The following GGPS1 variants were observed in gnomAD, a reference collection of about 807,000 sequenced individuals.
GGPS1 encodes the protein geranylgeranyl pyrophosphate synthase.
A neutral mutation model predicts 28.1 loss-of-function variants in GGPS1; 15 were observed. That is an observed-to-expected ratio of 0.53 (90% CI 0.36 to 0.82). The LOEUF (loss-of-function observed/expected upper bound fraction) is 0.82, where lower values mean the gene tolerates loss of function less well. Ranked by LOEUF, GGPS1 falls within the 40% of genes least tolerant of loss-of-function variation. The probability of loss-of-function intolerance (pLI) is 0.01; values close to 1 mark genes in which losing one functional copy is unlikely to be tolerated. For missense variants in GGPS1, 284 were observed against 348.3 expected (o/e 0.82, Z 1.47); for synonymous variants, 138 against 122.4 (o/e 1.13, Z -0.84).
In GGPS1 at chr1:235,342,773, T is replaced by C. The variant is rs748831293; in HGVS notation, c.*1T>C. ...GATGTTCAAAGAAGAAAATGAATAA[T>C]GTTAAGCCATTCTTGATTGGACCTC... On this transcript the variant is annotated 3_prime_UTR_variant, in exon 4 of 4. Transcript: ENST00000282841. 2 of 1,555,358 alleles carry C rather than the reference T, an allele frequency of 1.3e-6. No homozygotes were observed. The highest frequency in any genetic ancestry group is 2.0e-5 in the Admixed American group (1 of 49,136).
Position 235,341,790 on chromosome 1 carries a change from C to T in GGPS1, c.141+12C>T, listed in dbSNP as rs1392243435. 1.4e-6 allele frequency: 2 copies of T among 1,469,102 alleles called. No individual in the cohort carries two copies. Among genetic ancestry groups the T allele is most frequent in the East Asian group, 2.3e-5 (1 of 44,212 alleles). The allele number at this position is 1,469,102 out of a possible 1,614,324, so 91.0% of individuals were successfully genotyped here. A position where few individuals can be genotyped will look rare whatever the true frequency, so the allele number is the denominator to read the frequency against. On this transcript the variant is annotated intron_variant, in intron 3 of 3. Transcript: ENST00000282841. ...AGGACAAGCTACAGGTATTAGGCAACTCTAACCTCATTAATCCCCAAGAAA... is the reference window on the plus strand; with the variant it reads ...AGGACAAGCTACAGGTATTAGGCAATTCTAACCTCATTAATCCCCAAGAAA...
At chr1:235,337,370 T>C (rs1675903109) in intron 2 of GGPS1, among the ~76,000 whole-genome samples, 1 of 152,240 alleles carries the variant, frequency 6.6e-6, no homozygotes, top group African/African-American at 2.4e-5. Context: ...AATAATGTTT[T>C]AAGACATTAG....
At chr1:235,336,970 G>T in intron 2 of GGPS1, 1 of 168,476 alleles carries the variant, frequency 5.9e-6, no homozygotes, top group South Asian at 1.8e-4. Context: ...AAGAATGAGG[G>T]AATGACAGAA....
At chr1:235,340,735 CAAAAAAAAAAAAAA>C (rs1165162184) in intron 2 of GGPS1, among the ~76,000 whole-genome samples, 1 of 50,994 alleles carries the variant, frequency 2.0e-5, no homozygotes, top group African/African-American at 8.4e-5. Flanking sequence ...GACTCCGTCT[CAAAAAAAAAAAAAA>C]AAAAAAAAAC....
intron 1 of GGPS1, chr1:235,329,396 A>T (rs1675610510): frequency 6.6e-6 from 1 of 152,320 alleles, no homozygotes. Flanking sequence ...GATGCTGAAC[A>T]AAACGATGTG....
chr1:235,341,713 C>A lies in GGPS1; in HGVS notation c.76C>A (p.Gln26Lys). The A allele has an allele frequency of 6.4e-7, 1 of 1,564,570 alleles. No individual in the cohort carries two copies. Among genetic ancestry groups the A allele is most frequent in the Non-Finnish European group, 8.8e-7 (1 of 1,135,350 alleles). ...YKYLLQLPGK[Q>K]VRTKLSQAFN... ...ATTTTATTTTTAAATTGCAGGTAAA[C>A]AAGTGAGAACCAAACTTTCACAGGC... Residue 26 changes from glutamine to lysine, a missense_variant, in exon 3 of 4, where the codon CAA (glutamine) becomes AAA (lysine). Transcript: ENST00000282841.
chr1:235,330,506 T>C (rs1159033503), intron 1 of GGPS1: 3 of 152,154 alleles, frequency 2.0e-5, no homozygotes, highest in Non-Finnish European at 2.9e-5. Context: ...ACAAGGCAAG[T>C]TGGTTGTCGA....
At chr1:235,341,182 T>C (rs903876943) in intron 2 of GGPS1, among the ~76,000 whole-genome samples, 7 of 151,844 alleles carry the variant, frequency 4.6e-5, no homozygotes. Context: ...ATACAAAAAT[T>C]AGCCAGGCAT....
At chr1:235,333,567 C>CAAAAAAAAAAAAAAAAA (rs112155157) in intron 1 of GGPS1, among the ~76,000 whole-genome samples, 1 of 130,300 alleles carries the variant, frequency 7.7e-6, no homozygotes. Context: ...AACTCCGTCT[C>CAAAAAAAAAAAAAAAAA]AAAAAAAAAA....
In GGPS1 at chr1:235,342,306, C is replaced by T; in HGVS notation, c.437C>T (p.Ala146Val). ...TGTCCCACTGAAGAAGAATATAAAG[C>T]TATGGTGCTGCAGAAAACAGGTGGA... is the stretch of plus-strand genomic sequence containing the variant. The part of the protein sequence containing the change: ...YTCPTEEEYK[A>V]MVLQKTGGLF... Residue 146 changes from alanine (A) to valine (V), a missense_variant, in exon 4 of 4, where the codon GCT becomes GTT. Physicochemically the swap from Ala to Val is moderately conservative, Grantham distance 64. Transcript: ENST00000282841. 1 of 1,613,972 alleles carries T rather than the reference C, an allele frequency of 6.2e-7. No individual in the cohort carries two copies. The highest frequency in any genetic ancestry group is 8.5e-7 in the Non-Finnish European group (1 of 1,179,848).
intron 2 of GGPS1, 118 bp downstream of exon 2, chr1:235,335,452 G>A (rs531234300): frequency 2.0e-5 from 11 of 548,598 alleles, no homozygotes; most frequent in African/African-American, 1.2e-4. Context: ...TTAAGGTGAT[G>A]CGTATGAGAA....
intron 1 of GGPS1, chr1:235,329,289 A>G (rs905593069): frequency 7.9e-5 from 12 of 152,216 alleles, no homozygotes; most frequent in Non-Finnish European, 2.9e-5. Flanking sequence ...TTCATCGTCT[A>G]ACGCGTTAGA....
chr1:235,327,483 C>T (rs1237383236), upstream of GGPS1: 4 of 152,252 alleles, frequency 2.6e-5, no homozygotes, highest in Non-Finnish European at 5.9e-5. Flanking sequence ...ACATCTGGCC[C>T]CGCCGCGGGG....
At chr1:235,327,252 A>C, upstream of GGPS1, 4 of 224,744 alleles carry the variant, frequency 1.8e-5, no homozygotes, top group African/African-American at 2.3e-5. Context: ...AGAAACTCAC[A>C]ACAAGCCCGG....
chr1:235,335,615 C>G (rs1302247627), intron 2 of GGPS1, among the ~76,000 whole-genome samples: 1 of 152,180 alleles, frequency 6.6e-6, no homozygotes, highest in Non-Finnish European at 1.5e-5. Flanking sequence ...ACAATGATCA[C>G]ACCTGTGAAT....
chr1:235,334,261 A>G (rs1020689098), intron 1 of GGPS1, among the ~76,000 whole-genome samples: 9 of 152,192 alleles, frequency 5.9e-5, no homozygotes, highest in Admixed American at 5.2e-4. Flanking sequence ...TAATTAGTGT[A>G]ATCAGTTAAA....
At chr1:235,331,320 A>G (rs575688466) in intron 1 of GGPS1, among the ~76,000 whole-genome samples, 2 of 152,342 alleles carry the variant, frequency 1.3e-5, no homozygotes, top group African/African-American at 4.8e-5. Context: ...AGAACAGACT[A>G]CAAAAAAATA....
intron 1 of GGPS1, chr1:235,329,672 TG>T (rs1310760930): frequency 1.3e-5 from 2 of 151,584 alleles, no homozygotes; most frequent in Non-Finnish European, 2.9e-5. Context: ...TGAGGGGGAG[TG>T]TCGAACCTTT....
chr1:235,332,094 T>G (rs1458591738), intron 1 of GGPS1, among the ~76,000 whole-genome samples: 2 of 152,222 alleles, frequency 1.3e-5, no homozygotes, highest in Non-Finnish European at 2.9e-5. Flanking sequence ...TGTATAAATT[T>G]ATGGGGTGCA....
Sources: allele counts gnomAD v4.1 joint callset (sites outside exome capture counted in the v4.1 genomes callset), GRCh38; gene constraint gnomAD v4.1.1; transcripts MANE v1.5; gene names NCBI Gene and HGNC (gene_info 2026-07-23, HGNC 2026-07-21).